Variants in OS9 observed in about 807,000 individuals in gnomAD.
OS9 encodes OS9 endoplasmic reticulum lectin.
OS9 carries 58 observed loss-of-function variants against 84.7 expected under a neutral mutation model. The ratio of observed to expected loss-of-function variants is 0.68; its 90% CI spans 0.55 to 0.85. The LOEUF (loss-of-function observed/expected upper bound fraction) is 0.85. OS9 is among the 40% of genes least tolerant of loss of function. The pLI is 0.00. For missense variants in OS9, 760 were observed against 850.9 expected, an observed-to-expected ratio of 0.89 and a Z score of 1.33; for synonymous variants, 278 against 320.8, an observed-to-expected ratio of 0.87 and a Z score of 1.43.
At position 57,698,566 on chromosome 12, in the gene OS9, AG is replaced by A. The variant is rs34866458; in HGVS notation, c.579+2196del. On this transcript the variant is annotated intron_variant, in intron 5 of 14. Coordinates refer to ENST00000315970, the MANE Select transcript of OS9 (RefSeq NM_006812.4). ...GGAGCACACAGTCGGGACAGAGTCCAGGGTGAAAAGGAGGCCTCTTGGGAAA... is the reference window on the plus strand; with the variant it reads ...GGAGCACACAGTCGGGACAGAGTCCAGGTGAAAAGGAGGCCTCTTGGGAAA... Among the ~76,000 whole-genome samples the A allele has an allele frequency of 3.3e-5, 5 of 152,362 alleles. No individual in the cohort carries two copies. The East Asian group carries it at 9.7e-4, about 29-fold the overall frequency.
intron 5 of OS9, among the ~76,000 whole-genome samples, chr12:57,703,055 G>C (rs1954069008): frequency 6.6e-6 from 1 of 151,890 alleles, no homozygotes; most frequent in Non-Finnish European, 1.5e-5. Flanking sequence ...ACTATCTTTT[G>C]TTTTGCTTTG....
In OS9 at chr12:57,717,890, G is replaced by T. The variant is rs748742054; in HGVS notation, c.1066G>T (p.Val356Phe). The change falls in exon 10 of 15, where the codon GTC becomes TTC. Residue 356 changes from valine to phenylalanine, a missense_variant. Physicochemically the swap from Val to Phe is conservative, Grantham distance 50 (BLOSUM62 -1). Coordinates refer to ENST00000315970, the MANE Select transcript of OS9 (RefSeq NM_006812.4). ...CTCAGATTTTCAGAACAACGTGCAG[G>T]TCAAAGTCATTCGAAGCCCTGCGGA... ...APNDFQNNVQVKVIRSPADLI... is the reference protein window; with the variant it reads ...APNDFQNNVQFKVIRSPADLI... 6.2e-7 allele frequency: 1 copy of T among 1,612,154 alleles called. No individual in the cohort carries two copies. Among genetic ancestry groups the T allele is most frequent in the African/African-American group, 1.3e-5 (1 of 74,854 alleles).
intron 5 of OS9, among the ~76,000 whole-genome samples, 186 bp downstream of exon 5, chr12:57,696,559 G>C (rs1953851355): frequency 6.6e-6 from 1 of 151,314 alleles, no homozygotes; most frequent in Non-Finnish European, 1.5e-5. Context: ...ACTTTGGGAG[G>C]CCGAGGCGGG....
chr12:57,696,111 T>C, intron 4 of OS9, 73 bp downstream of exon 4: 2 of 1,309,918 alleles, frequency 1.5e-6, no homozygotes, highest in Non-Finnish European at 2.2e-6. Flanking sequence ...AAGGGGAGGG[T>C]CAAGATTAGC....
rs770547692 is a variant in OS9, at chr12:57,694,776, C to T, written c.189C>T (p.Val63=). ...GCCAATCTTCGGACGTGGTGATTGT[C>T]TCCTCTAAGTACAAACAGCGCTATG... is the stretch of plus-strand genomic sequence containing the variant. ...GQSQSSDVVI[V]SSKYKQRYEC... Residue 63 remains valine, a synonymous_variant, in exon 2 of 15, where the codon GTC becomes GTT. Coordinates refer to ENST00000315970, the MANE Select transcript of OS9 (RefSeq NM_006812.4). 61 of 1,613,860 alleles carry T rather than the reference C, an allele frequency of 3.8e-5. No homozygotes were observed. Among genetic ancestry groups the T allele is most frequent in the Non-Finnish European group, 5.0e-5 (59 of 1,180,012 alleles).
At chr12:57,698,628 T>C (rs1203947805) in intron 5 of OS9, among the ~76,000 whole-genome samples, 1 of 152,130 alleles carries the variant, frequency 6.6e-6, no homozygotes, top group Non-Finnish European at 1.5e-5. Context: ...GATGAGGAGT[T>C]AGACTAGCAG....
chr12:57,716,191 C>T lies in OS9; in HGVS notation c.890C>T (p.Ala297Val). 1 of 1,597,722 alleles carries T rather than the reference C, an allele frequency of 6.3e-7. No homozygotes were observed. Among genetic ancestry groups the T allele is most frequent in the Non-Finnish European group, 8.6e-7 (1 of 1,169,150 alleles). ...TCTGGGGTGGCACCCCAAAAGATGGCAGGTAGGACCTTGTTTCACCTGTTC... is the reference window on the plus strand; with the variant it reads ...TCTGGGGTGGCACCCCAAAAGATGGTAGGTAGGACCTTGTTTCACCTGTTC... ...TKSGVAPQKM[A>V]GASPTKDDSK... The change falls in exon 7 of 15, where the codon GCA becomes GTA. Residue 297 changes from alanine to valine, a missense_variant and splice_region_variant. Ala to Val is a moderately conservative substitution (Grantham distance 64, BLOSUM62 0). Coordinates refer to ENST00000315970, the MANE Select transcript of OS9 (RefSeq NM_006812.4).
chr12:57,718,454 A>C, intron 11 of OS9, 33 bp downstream of exon 11: 4 of 1,599,128 alleles, frequency 2.5e-6, no homozygotes, highest in Non-Finnish European at 3.4e-6. Flanking sequence ...TTGCTTCCAC[A>C]GCCGCCTGGT....
Position 57,718,302 on chromosome 12 carries a change from C to T in OS9, c.1291C>T (p.Gln431Ter). ...TGAGGATGAAGATGAGGATGAACGG[C>T]AGTTACTGGGAGAATTTGAGAAGGA... ...EDEDEDEDER[Q>*]LLGEFEKELE... The change falls in exon 11 of 15, where the codon CAG (glutamine) becomes TAG (stop). Residue 431 changes from glutamine to a stop codon, truncating the protein, a stop_gained. Coordinates refer to ENST00000315970, the MANE Select transcript of OS9 (RefSeq NM_006812.4). LOFTEE classifies it high-confidence loss of function. The T allele has an allele frequency of 1.9e-6, 3 of 1,614,140 alleles. No homozygotes were observed.
In OS9 at chr12:57,696,275, G is replaced by A; in HGVS notation, c.481G>A (p.Ala161Thr). Residue 161 changes from alanine to threonine, a missense_variant and splice_region_variant, in exon 5 of 15, where the codon GCC (alanine) becomes ACC (threonine). By Grantham distance (58) the Ala-to-Thr change is moderately conservative. Coordinates refer to ENST00000315970, the MANE Select transcript of OS9 (RefSeq NM_006812.4). Reference sequence around the variant, plus strand: ...CATTCCTGCCTCATGTCTTCTCCAGGCCTCCAAGCAGCATCGTCTTAAACG... The same window carrying A: ...CATTCCTGCCTCATGTCTTCTCCAGACCTCCAAGCAGCATCGTCTTAAACG... ...AFDWDDETAK[A>T]SKQHRLKRYH... 6.2e-7 allele frequency: 1 copy of A among 1,608,326 alleles called. No homozygotes were observed. Among genetic ancestry groups the A allele is most frequent in the Non-Finnish European group, 8.5e-7 (1 of 1,176,676 alleles).
At chr12:57,696,538 G>A (rs1405841207) in intron 5 of OS9, among the ~76,000 whole-genome samples, 165 bp downstream of exon 5, 2 of 151,850 alleles carry the variant, frequency 1.3e-5, no homozygotes, top group African/African-American at 4.8e-5. Context: ...GCTTATGCCT[G>A]TAATCCCAGC....
intron 5 of OS9, among the ~76,000 whole-genome samples, chr12:57,711,589 C>T (rs976234046): frequency 1.3e-5 from 2 of 152,098 alleles, no homozygotes; most frequent in Admixed American, 6.6e-5. Context: ...TCGTGATCTG[C>T]CCTCCTTGGC....
rs1372352947 is a variant in OS9, at chr12:57,720,992, C to T, written c.*83C>T. On this transcript the variant is annotated 3_prime_UTR_variant, in exon 15 of 15. Transcript: ENST00000315970. ...TCCTCCCCACCTCCCCACCCTGGAA[C>T]CCCTGAGGGCCAAACAGCAGAGTGG... 9.3e-6 allele frequency: 14 copies of T among 1,499,278 alleles called. No homozygotes were observed. Among genetic ancestry groups the T allele is most frequent in the South Asian group, 2.3e-5 (2 of 86,320 alleles). The allele number at this position is 1,499,278 out of a possible 1,614,324, so 92.9% of individuals were successfully genotyped here. A position where few individuals can be genotyped will look rare whatever the true frequency, so the allele number is the denominator to read the frequency against.
chr12:57,696,307 C>T lies in OS9; in HGVS notation c.513C>T (p.His171=). 1 of 1,613,712 alleles carries T rather than the reference C, an allele frequency of 6.2e-7. No homozygotes were observed. The highest frequency in any genetic ancestry group is 8.5e-7 in the Non-Finnish European group (1 of 1,179,766). Residue 171 remains histidine (H), a synonymous_variant, in exon 5 of 15, where the codon CAC becomes CAT. Transcript: ENST00000315970. ...ASKQHRLKRY[H]SQTYGNGSKC... ...AGCAGCATCGTCTTAAACGCTACCACAGCCAGACCTATGGCAATGGGTCCA... is the reference window on the plus strand; with the variant it reads ...AGCAGCATCGTCTTAAACGCTACCATAGCCAGACCTATGGCAATGGGTCCA...
At chr12:57,700,357 A>C (rs1158452276) in intron 5 of OS9, among the ~76,000 whole-genome samples, 1 of 152,136 alleles carries the variant, frequency 6.6e-6, no homozygotes, top group Non-Finnish European at 1.5e-5. Flanking sequence ...GATGGGATGC[A>C]GAACCCTGGG....
chr12:57,710,901 T>G (rs1954306214), intron 5 of OS9, among the ~76,000 whole-genome samples: 1 of 151,594 alleles, frequency 6.6e-6, no homozygotes, highest in African/African-American at 2.4e-5. Flanking sequence ...TTACAGGGTG[T>G]GGTGAGGCAT....
chr12:57,712,720 TTTG>T (rs1184831629), intron 5 of OS9, among the ~76,000 whole-genome samples: 1 of 152,028 alleles, frequency 6.6e-6, no homozygotes. Context: ...CCCCATGGCT[TTTG>T]TTTGTTCATT....
rs765591247 is a variant in OS9 at position 57,694,810 on chromosome 12, C to G, written c.223C>G (p.Leu75Val). Residue 75 changes from leucine (L) to valine (V), a missense_variant, in exon 2 of 15, where the codon CTG (leucine) becomes GTG (valine). Transcript: ENST00000315970. Reference sequence around the variant, plus strand: ...GTACAAACAGCGCTATGAGTGTCGCCTGCCAGCTGGAGCTATTCACTTCCA... The same window carrying G: ...GTACAAACAGCGCTATGAGTGTCGCGTGCCAGCTGGAGCTATTCACTTCCA... Reference protein sequence around the residue: ...SKYKQRYECRLPAGAIHFQRE... With the variant: ...SKYKQRYECRVPAGAIHFQRE... The G allele has an allele frequency of 2.5e-6, 4 of 1,614,104 alleles. No individual in the cohort carries two copies. In the South Asian group the frequency reaches 4.4e-5, roughly 18 times the overall value.
At chr12:57,704,277 C>T (rs1954105532) in intron 5 of OS9, among the ~76,000 whole-genome samples, 1 of 152,158 alleles carries the variant, frequency 6.6e-6, no homozygotes, top group Admixed American at 6.5e-5. Context: ...TGGCTCACAC[C>T]TGTAATCCCA....
Sources: allele counts gnomAD v4.1 joint callset (sites outside exome capture counted in the v4.1 genomes callset), GRCh38; gene constraint gnomAD v4.1.1; transcripts MANE v1.5; gene names NCBI Gene and HGNC (gene_info 2026-07-23, HGNC 2026-07-21).